Variants in SPATC1L observed in about 807,000 individuals in gnomAD.
SPATC1L encodes speriolin-like protein.
SPATC1L carries 20 observed loss-of-function variants against 21.2 expected under a neutral mutation model. That is an observed-to-expected ratio of 0.94 (90% CI 0.66 to 1.37). The LOEUF is 1.37. Among genes scored for constraint, SPATC1L ranks in the 40% most tolerant of loss-of-function variants. SPATC1L has a pLI of 0.00. For missense variants in SPATC1L, 499 were observed against 478.7 expected (o/e 1.04, Z -0.40); for synonymous variants, 290 against 234.5 (o/e 1.24, Z -2.16).
chr21:46,170,831 A>G (rs2079582724), intron 2 of SPATC1L, among the ~76,000 whole-genome samples: 1 of 114,108 alleles, frequency 8.8e-6, no homozygotes, highest in Admixed American at 9.1e-5. Context: ...GATGGGGAGG[A>G]GCCTCCCTGC....
At chr21:46,177,271 A>T (rs1208910232) in intron 2 of SPATC1L, among the ~76,000 whole-genome samples, 1 of 152,246 alleles carries the variant, frequency 6.6e-6, no homozygotes, top group Non-Finnish European at 1.5e-5. Context: ...AATGGCATCT[A>T]ATCAAAGAGC....
chr21:46,180,819 G>A (rs532259590), intron 2 of SPATC1L, among the ~76,000 whole-genome samples: 5 of 152,234 alleles, frequency 3.3e-5, no homozygotes, highest in African/African-American at 1.2e-4. Context: ...CCTGTGGCGG[G>A]GGCTCCAAGG....
intron 3 of SPATC1L, 92 bp downstream of exon 3, chr21:46,168,212 GGAGA>G (rs2079553993): frequency 1.3e-6 from 1 of 773,480 alleles, no homozygotes; most frequent in Non-Finnish European, 2.0e-6. Flanking sequence ...GTGACTGGAT[GGAGA>G]AACGGCCCTG....
Position 46,174,342 on chromosome 21 carries a change from AAC to A in SPATC1L, c.194-5686_194-5685del, listed in dbSNP as rs1569002442. Among the ~76,000 whole-genome samples, 382 of 76,180 alleles carry A rather than the reference AAC, an allele frequency of 5.0e-3. 29 individuals are homozygous for A. The highest frequency in any genetic ancestry group is 0.022 in the African/African-American group (354 of 16,160). The allele number at this position is 76,180 out of a possible 152,430, so 50.0% of individuals were successfully genotyped here. On this transcript the variant is annotated intron_variant, in intron 2 of 4. Transcript: ENST00000291672. ...AGCAAGACTCTGTCTCAAAAAACAA[AAC>A]AAAAAAAAAAAAAAAACAGAATGGC... is the stretch of plus-strand genomic sequence containing the variant.
At chr21:46,169,484 G>C (rs2079567676) in intron 2 of SPATC1L, among the ~76,000 whole-genome samples, 1 of 129,006 alleles carries the variant, frequency 7.8e-6, no homozygotes, top group African/African-American at 3.4e-5. Flanking sequence ...CCTGCTCTGT[G>C]AGCATCCTCT....
intron 2 of SPATC1L, among the ~76,000 whole-genome samples, chr21:46,177,761 C>T (rs891855571): frequency 2.0e-5 from 3 of 152,158 alleles, no homozygotes; most frequent in African/African-American, 7.2e-5. Flanking sequence ...GGTTGGGTTC[C>T]ATTAATGGTA....
chr21:46,172,796 G>A (rs1351711537), intron 2 of SPATC1L, among the ~76,000 whole-genome samples: 1 of 152,230 alleles, frequency 6.6e-6, no homozygotes, highest in Non-Finnish European at 1.5e-5. Flanking sequence ...AAGGTGCTGA[G>A]GGCAGATGGA....
intron 2 of SPATC1L, among the ~76,000 whole-genome samples, chr21:46,181,765 G>A (rs1225806364): frequency 1.3e-5 from 2 of 152,154 alleles, no homozygotes; most frequent in Non-Finnish European, 2.9e-5. Flanking sequence ...GGCTGACCAC[G>A]TCCTTTCCGG....
At chr21:46,174,896 A>G (rs1209965170) in intron 2 of SPATC1L, among the ~76,000 whole-genome samples, 1 of 152,260 alleles carries the variant, frequency 6.6e-6, no homozygotes, top group Non-Finnish European at 1.5e-5. Context: ...TCTAAATTCA[A>G]TCACATAATT....
At chr21:46,166,290 C>T (rs971218541) in intron 3 of SPATC1L, among the ~76,000 whole-genome samples, 1 of 151,970 alleles carries the variant, frequency 6.6e-6, no homozygotes, top group Non-Finnish European at 1.5e-5. Context: ...CACTTGAACC[C>T]AGGAGGCGGA....
chr21:46,164,812 G>A (rs945522859), intron 3 of SPATC1L, among the ~76,000 whole-genome samples: 422 of 118,214 alleles, frequency 3.6e-3, no homozygotes, highest in African/African-American at 6.1e-3. Flanking sequence ...AAAAAAAAAA[G>A]AATCAAGCTC....
chr21:46,166,844 C>T (rs193156644), intron 3 of SPATC1L, among the ~76,000 whole-genome samples: 143 of 152,282 alleles, frequency 9.4e-4, no homozygotes, highest in East Asian at 2.5e-3. Flanking sequence ...GACTTCAATA[C>T]GCATTTTCAC....
Position 46,168,650 on chromosome 21 carries a change from A to T in SPATC1L, c.202T>A (p.Phe68Ile). Residue 68 changes from phenylalanine to isoleucine, a missense_variant, in exon 3 of 5, where the codon TTC becomes ATC. Coordinates refer to ENST00000291672, the MANE Select transcript of SPATC1L (RefSeq NM_001142854.2). ...TCGGCAACACTCGTGAACCTTCCGA[A>T]ATCTGGAACTGAGGCGGGGAGGAAA... ...AGSPGSGVPDFGRFTSVADTP... is the reference protein window; with the variant it reads ...AGSPGSGVPDIGRFTSVADTP... 1.5e-6 allele frequency: 2 copies of T among 1,361,664 alleles called. No homozygotes were observed. The highest frequency in any genetic ancestry group is 4.1e-5 in the South Asian group (2 of 49,088). The allele number at this position is 1,361,664 out of a possible 1,614,324, so 84.3% of individuals were successfully genotyped here. A position where few individuals can be genotyped will look rare whatever the true frequency, so the allele number is the denominator to read the frequency against.
chr21:46,176,363 T>C (rs532678834), intron 2 of SPATC1L, among the ~76,000 whole-genome samples: 3 of 152,338 alleles, frequency 2.0e-5, no homozygotes, highest in Admixed American at 6.5e-5. Context: ...GCAGATGACA[T>C]GATCTTATAT....
chr21:46,161,999 G>C lies in SPATC1L; in HGVS notation c.613C>G (p.Arg205Gly). The C allele has an allele frequency of 6.2e-7, 1 of 1,603,316 alleles. No homozygotes were observed. The highest frequency in any genetic ancestry group is 8.5e-7 in the Non-Finnish European group (1 of 1,177,120). Reference protein sequence around the residue: ...VVGEIAFQLDRRILAYVFPGV... With the variant: ...VVGEIAFQLDGRILAYVFPGV... Reference sequence around the variant, plus strand: ...GGGAACACGTAGGCCAGGATGCGGCGGTCCAGCTGGAAGGCGATCTCGCCC... The same window carrying C: ...GGGAACACGTAGGCCAGGATGCGGCCGTCCAGCTGGAAGGCGATCTCGCCC... The change falls in exon 4 of 5, where the codon CGC becomes GGC. Residue 205 changes from arginine to glycine, a missense_variant. Coordinates refer to ENST00000291672, the MANE Select transcript of SPATC1L (RefSeq NM_001142854.2).
chr21:46,162,151 G>A (rs1223543779), intron 3 of SPATC1L, 84 bp from the exon 4 acceptor site: 5 of 1,410,080 alleles, frequency 3.5e-6, no homozygotes, highest in Non-Finnish European at 4.7e-6. Context: ...CGTGGGGGGC[G>A]GCTCCTCCAC....
At chr21:46,173,623 C>G (rs1042512614) in intron 2 of SPATC1L, among the ~76,000 whole-genome samples, 1 of 151,982 alleles carries the variant, frequency 6.6e-6, no homozygotes, top group African/African-American at 2.4e-5. Context: ...GATCCTCCCC[C>G]ACCCTGAGCG....
At chr21:46,177,431 C>T (rs180740000) in intron 2 of SPATC1L, among the ~76,000 whole-genome samples, 36 of 152,166 alleles carry the variant, frequency 2.4e-4, no homozygotes, top group Admixed American at 5.9e-4. Context: ...ACAAACAACC[C>T]CATTAAAAAG....
At position 46,161,502 on chromosome 21, in the gene SPATC1L, C is replaced by T. The variant is rs1316721630; in HGVS notation, c.900G>A (p.Pro300=). 8.1e-6 allele frequency: 13 copies of T among 1,607,634 alleles called. No individual in the cohort carries two copies. The highest frequency in any genetic ancestry group is 1.7e-5 in the Admixed American group (1 of 59,668). The change falls in exon 5 of 5, where the codon CCG becomes CCA. Residue 300 remains proline (P), a synonymous_variant. Transcript: ENST00000291672. ...CGATGACCAGCTTGCGCAGCGCGGCCGGGCTGCTGTGCAGGGGGTTGGCGC... is the reference window on the plus strand; with the variant it reads ...CGATGACCAGCTTGCGCAGCGCGGCTGGGCTGCTGTGCAGGGGGTTGGCGC... ...DLRANPLHSS[P]AALRKLVIDV... is the part of the protein sequence containing the mutation.
Sources: gnomAD v4.1 joint callset for allele counts (sites outside exome capture counted in the v4.1 genomes callset) on GRCh38, gnomAD v4.1.1 for gene constraint, MANE v1.5 for transcripts, NCBI Gene and HGNC (gene_info 2026-07-23, HGNC 2026-07-21) for gene names.